Variants in ADGRF5 observed in about 807,000 individuals in gnomAD.
ADGRF5 encodes the protein adhesion G protein-coupled receptor F5, also known as G-protein coupled receptor 116.
ADGRF5 carries 75 observed loss-of-function variants against 132.3 expected under a neutral mutation model. The ratio of observed to expected loss-of-function variants is 0.57; its 90% confidence interval spans 0.47 to 0.69. ADGRF5 has a LOEUF of 0.69. Among genes scored for constraint, ADGRF5 ranks in the 30% least tolerant of loss-of-function variants. ADGRF5 has a pLI of 0.00. For missense variants in ADGRF5, 1,516 were observed against 1,630.6 expected (o/e 0.93, Z 1.21); for synonymous variants, 629 against 597.6 (o/e 1.05, Z -0.77).
upstream of ADGRF5, among the ~76,000 whole-genome samples, chr6:46,924,163 C>A (rs1582035471): frequency 6.6e-6 from 1 of 152,208 alleles, no homozygotes; most frequent in East Asian, 1.9e-4. Flanking sequence ...TTTCTTCACA[C>A]AGGTAACGTT....
At chr6:46,939,694 A>G (rs1397039864) in intron 1 of ADGRF5, among the ~76,000 whole-genome samples, 1 of 152,222 alleles carries the variant, frequency 6.6e-6, no homozygotes, top group Non-Finnish European at 1.5e-5. Flanking sequence ...GGGGAGCTTC[A>G]ACTAATTAAT....
intron 3 of ADGRF5, among the ~76,000 whole-genome samples, chr6:46,896,699 C>CATATATATGTGATACATATAT (rs1330700116): frequency 4.6e-5 from 7 of 151,318 alleles, no homozygotes; most frequent in South Asian, 4.2e-4. Flanking sequence ...ATATGTGATA[C>CATATATATGTGATACATATAT]ATATATATGT....
intron 1 of ADGRF5, among the ~76,000 whole-genome samples, chr6:46,926,988 T>A (rs770689079): frequency 3.9e-5 from 6 of 152,144 alleles, no homozygotes; most frequent in Non-Finnish European, 5.9e-5. Flanking sequence ...TACCATATAC[T>A]GCAGTAACAG....
chr6:46,941,391 G>GAA (rs1778043821), intron 1 of ADGRF5, among the ~76,000 whole-genome samples: 1 of 14,998 alleles, frequency 6.7e-5, no homozygotes, highest in African/African-American at 2.7e-4. Flanking sequence ...AAGAAACAAA[G>GAA]AAAAGAAAAG....
intron 1 of ADGRF5, among the ~76,000 whole-genome samples, chr6:46,919,694 G>A (rs1314388982): frequency 1.3e-5 from 2 of 152,190 alleles, no homozygotes; most frequent in Admixed American, 6.5e-5. Context: ...ATGATTCATC[G>A]GAGTAGCCAG....
intron 15 of ADGRF5, among the ~76,000 whole-genome samples, chr6:46,861,482 T>C (rs978940327): frequency 6.6e-6 from 1 of 152,310 alleles, no homozygotes; most frequent in Admixed American, 6.5e-5. Context: ...TTCTGTCTTC[T>C]ACGAAAAGCA....
Position 46,868,549 on chromosome 6 carries a change from C to T in ADGRF5, c.1621+334G>A, listed in dbSNP as rs1278369938. On this transcript the variant is annotated intron_variant, in intron 12 of 20. Transcript: ENST00000283296. ...AAATCTTTACCTAGCTGTTCTAAAG[C>T]ACAGTTGGGTCAAACACTCCCTAGT... is the stretch of plus-strand genomic sequence containing the variant. 2.6e-5 allele frequency among the ~76,000 whole-genome samples: 4 copies of T among 152,140 alleles called. No individual in the cohort carries two copies. In the East Asian group the frequency reaches 7.7e-4, roughly 29 times the overall value.
chr6:46,920,811 C>G (rs1776863111), intron 1 of ADGRF5, among the ~76,000 whole-genome samples: 1 of 152,012 alleles, frequency 6.6e-6, no homozygotes, highest in African/African-American at 2.4e-5. Flanking sequence ...TGTAGTGAAC[C>G]AAGATCGTGC....
chr6:46,934,686 C>A (rs1217524873), intron 1 of ADGRF5, among the ~76,000 whole-genome samples: 1 of 152,172 alleles, frequency 6.6e-6, no homozygotes, highest in East Asian at 1.9e-4. Context: ...TGTCATTCTG[C>A]AGAGGCTGGA....
At position 46,943,401 on chromosome 6, in the gene ADGRF5, C is replaced by T. The variant is rs117894374; in HGVS notation, c.-25+11333G>A. 5.9e-4 allele frequency among the ~76,000 whole-genome samples: 90 copies of T among 152,258 alleles called. 1 individual carries two copies. The East Asian group carries it at 0.017, about 29-fold the overall frequency. On this transcript the variant is annotated intron_variant, in intron 1 of 20. Transcript: ENST00000265417. ...ATATTCATTCACTGGACAAATGTTT[C>T]TGGGCACCTACTTTGTGCAGAATAC... is the stretch of plus-strand genomic sequence containing the variant.
intron 15 of ADGRF5, among the ~76,000 whole-genome samples, chr6:46,862,389 C>G (rs962789649): frequency 6.6e-6 from 1 of 152,160 alleles, no homozygotes; most frequent in Non-Finnish European, 1.5e-5. Context: ...GTAAGAGAGG[C>G]AGGGTAGTTG....
chr6:46,914,204 A>G (rs536859634), intron 1 of ADGRF5, among the ~76,000 whole-genome samples: 3 of 152,322 alleles, frequency 2.0e-5, no homozygotes, highest in Admixed American at 2.0e-4. Context: ...CAGAGTTGCA[A>G]TAAGGATAGA....
rs1332981694 is a variant in ADGRF5 at position 46,896,135 on chromosome 6, C to T, written c.157+3894G>A. The stretch of plus-strand genomic sequence containing the variant: ...CTGGTCTCCCAGGCACTAATTTCTT[C>T]GTGTAATTTATTTAGCCATAACCAT... On this transcript the variant is annotated intron_variant, in intron 3 of 20. Coordinates refer to ENST00000283296, the MANE Select transcript of ADGRF5 (RefSeq NM_001098518.2). 2.6e-5 allele frequency among the ~76,000 whole-genome samples: 4 copies of T among 152,224 alleles called. No individual in the cohort carries two copies. The East Asian group carries it at 5.8e-4, about 22-fold the overall frequency.
intron 19 of ADGRF5, among the ~76,000 whole-genome samples, chr6:46,856,444 A>G (rs1334365619): frequency 6.6e-6 from 1 of 152,198 alleles, no homozygotes; most frequent in Non-Finnish European, 1.5e-5. Context: ...TTAAGTTTAT[A>G]TCATATATTA....
At chr6:46,896,531 T>G (rs1257337661) in intron 3 of ADGRF5, among the ~76,000 whole-genome samples, 1 of 152,188 alleles carries the variant, frequency 6.6e-6, no homozygotes, top group Non-Finnish European at 1.5e-5. Context: ...TTTCTTTGTT[T>G]AAATTTCTTT....
rs368868523 is a variant in ADGRF5 at position 46,854,078 on chromosome 6, A to T, written c.3962-7T>A. The T allele has an allele frequency of 8.3e-4, 1,315 of 1,589,302 alleles. 24 individuals are homozygous for T. The South Asian group carries it at 0.013, about 16-fold the overall frequency. On this transcript the variant is annotated splice_region_variant and splice_polypyrimidine_tract_variant and intron_variant, in intron 20 of 20. Coordinates refer to ENST00000283296, the MANE Select transcript of ADGRF5 (RefSeq NM_001098518.2). ...GTGGAAACATTATACGTTCCTGAAAAACAGAGCAGCAACTCAGCCTTGAAG... is the reference window on the plus strand; with the variant it reads ...GTGGAAACATTATACGTTCCTGAAATACAGAGCAGCAACTCAGCCTTGAAG...
intron 1 of ADGRF5, among the ~76,000 whole-genome samples, chr6:46,948,471 A>AGTGAGT (rs1178183766): frequency 9.2e-6 from 1 of 109,196 alleles, no homozygotes; most frequent in East Asian, 2.7e-4. Flanking sequence ...TACTTGCTCT[A>AGTGAGT]GTGAGTGTGT....
chr6:46,860,622 G>A, intron 16 of ADGRF5, 93 bp downstream of exon 16: 2 of 844,312 alleles, frequency 2.4e-6, no homozygotes, highest in Non-Finnish European at 3.8e-6. Context: ...AGACAGAGAA[G>A]CTGCAATGGG....
At chr6:46,885,896 C>G (rs1773025032) in intron 4 of ADGRF5, among the ~76,000 whole-genome samples, 1 of 152,146 alleles carries the variant, frequency 6.6e-6, no homozygotes. Flanking sequence ...AATATAAATA[C>G]AATGATTTAA....
Sources: gnomAD v4.1 joint callset for allele counts (sites outside exome capture counted in the v4.1 genomes callset) on GRCh38, gnomAD v4.1.1 for gene constraint, MANE v1.5 for transcripts, NCBI Gene and HGNC (gene_info 2026-07-23, HGNC 2026-07-21) for gene names.